The following NLGN4X variants were observed in gnomAD, a reference collection of about 807,000 sequenced individuals.
The protein encoded by NLGN4X is neuroligin-4, X-linked.
NLGN4X carries 3 observed loss-of-function variants against 40.3 expected under a neutral mutation model. The observed-to-expected ratio is 0.07, with a 90% CI of 0.03 to 0.19. The LOEUF is 0.19. NLGN4X is among the 10% of genes least tolerant of loss of function. The pLI is 1.00. For synonymous variants in NLGN4X, 270 were observed against 306.8 expected (o/e 0.88, Z 1.25); for missense variants, 382 against 708.3 (o/e 0.54, Z 5.23).
intron 3 of NLGN4X, among the ~76,000 whole-genome samples, chrX:6,017,685 T>G (rs184513843): frequency 7.1e-5 from 8 of 111,950 alleles, no homozygotes; most frequent in Middle Eastern, 4.6e-3. Flanking sequence ...TATTTTGAAT[T>G]TTGATATATT....
chrX:6,104,592 T>C (rs969166066), intron 2 of NLGN4X, among the ~76,000 whole-genome samples: 2 of 111,216 alleles, frequency 1.8e-5, no homozygotes, highest in African/African-American at 6.5e-5. Flanking sequence ...AACTTGGACC[T>C]AGGAACCTGA....
chrX:6,168,356 A>G (rs1031847473), intron 1 of NLGN4X, among the ~76,000 whole-genome samples: 1 of 112,615 alleles, frequency 8.9e-6, no homozygotes, highest in East Asian at 2.8e-4. Flanking sequence ...AACTTCAAAT[A>G]CTAAAGCGTC....
intron 3 of NLGN4X, among the ~76,000 whole-genome samples, chrX:6,027,090 CAGAAA>C (rs752421769): frequency 8.9e-6 from 1 of 112,279 alleles, no homozygotes; most frequent in South Asian, 3.7e-4. Flanking sequence ...CTGCTTCCCT[CAGAAA>C]AGCATGCCCA....
chrX:6,191,254 C>T (rs1248638324), intron 1 of NLGN4X, among the ~76,000 whole-genome samples: 1 of 111,226 alleles, frequency 9.0e-6, no homozygotes, highest in Non-Finnish European at 1.9e-5. Context: ...TCATGCAACA[C>T]AGGATGGGGT....
At chrX:5,964,258 C>T (rs2034752860) in intron 3 of NLGN4X, among the ~76,000 whole-genome samples, 1 of 111,727 alleles carries the variant, frequency 9.0e-6, no homozygotes, top group Non-Finnish European at 1.9e-5. Context: ...GCTAGTAGTA[C>T]ATTTGACTGA....
At chrX:5,925,917 T>TATATAC (rs2033292196) in intron 3 of NLGN4X, among the ~76,000 whole-genome samples, 1 of 59,165 alleles carries the variant, frequency 1.7e-5, no homozygotes, top group Non-Finnish European at 3.1e-5. Context: ...TATATATATA[T>TATATAC]ATATATATAT....
intron 3 of NLGN4X, among the ~76,000 whole-genome samples, chrX:6,016,937 ATAGT>A (rs938360376): frequency 8.9e-6 from 1 of 111,794 alleles, no homozygotes; most frequent in African/African-American, 3.3e-5. Context: ...AGACAGGTAG[ATAGT>A]TAGTGGAAGC....
chrX:6,063,535 G>A (rs1312500225), intron 2 of NLGN4X, among the ~76,000 whole-genome samples: 2 of 111,660 alleles, frequency 1.8e-5, no homozygotes, highest in African/African-American at 6.5e-5. Flanking sequence ...TCCACCTATA[G>A]AATATCAGTG....
intron 2 of NLGN4X, among the ~76,000 whole-genome samples, chrX:6,115,455 T>C (rs1008138484): frequency 9.0e-6 from 1 of 111,624 alleles, no homozygotes; most frequent in Non-Finnish European, 1.9e-5. Flanking sequence ...GGCAAAAATA[T>C]GCCCCTGTTC....
intron 3 of NLGN4X, among the ~76,000 whole-genome samples, chrX:5,915,760 G>A (rs767013843): frequency 8.9e-6 from 1 of 111,776 alleles, no homozygotes; most frequent in East Asian, 2.8e-4. Flanking sequence ...GGCTGGTCTC[G>A]AACTCCTGAG....
At chrX:6,129,802 TAA>T (rs66886928) in intron 2 of NLGN4X, among the ~76,000 whole-genome samples, 3 of 104,292 alleles carry the variant, frequency 2.9e-5, no homozygotes, top group Admixed American at 1.0e-4. Flanking sequence ...GTGAAATGTT[TAA>T]AAAAAAAAAC....
In NLGN4X at chrX:5,890,775, A is replaced by C; in HGVS notation, c.*2042T>G. 1 of 299,313 alleles carries C rather than the reference A, an allele frequency of 3.3e-6. No homozygotes were observed. Among genetic ancestry groups the C allele is most frequent in the Non-Finnish European group, 6.3e-6 (1 of 158,008 alleles). The allele number at this position is 299,313 out of a possible 1,213,427, so 24.7% of individuals were successfully genotyped here. A position where few individuals can be genotyped will look rare whatever the true frequency, so the allele number is the denominator to read the frequency against. Reference sequence around the variant, plus strand: ...TATTTATATACAGAGAATCACTCTCAAATTTAACCCAAGATAAGCAATAGG... The same window carrying C: ...TATTTATATACAGAGAATCACTCTCCAATTTAACCCAAGATAAGCAATAGG... On this transcript the variant is annotated 3_prime_UTR_variant, in exon 6 of 6. Coordinates refer to ENST00000381095, the MANE Select transcript of NLGN4X (RefSeq NM_181332.3).
Position 6,096,447 on chromosome X carries a change from C to G in NLGN4X, c.472+54548G>C, listed in dbSNP as rs1196921790. ...AAAATGTTAACCCTTAATGTGATAG[C>G]CTCAAGATTAACCTTTAGAATATGC... On this transcript the variant is annotated intron_variant, in intron 2 of 5. Coordinates refer to ENST00000381095, the MANE Select transcript of NLGN4X (RefSeq NM_181332.3). Among the ~76,000 whole-genome samples, 5 of 111,399 alleles carry G rather than the reference C, an allele frequency of 4.5e-5. No individual in the cohort carries two copies. The East Asian group carries it at 1.4e-3, about 32-fold the overall frequency.
chrX:6,106,225 G>C (rs1236156289), intron 2 of NLGN4X, among the ~76,000 whole-genome samples: 2 of 111,446 alleles, frequency 1.8e-5, no homozygotes, highest in African/African-American at 6.5e-5. Context: ...GTAAAGTTTT[G>C]AACTGTTTTT....
chrX:5,946,515 T>C (rs1161044459), intron 3 of NLGN4X, among the ~76,000 whole-genome samples: 1 of 110,963 alleles, frequency 9.0e-6, no homozygotes, highest in Non-Finnish European at 1.9e-5. Flanking sequence ...CTATAGTTTA[T>C]TTAAAAATCA....
At chrX:6,149,614 T>G (rs373589004) in intron 2 of NLGN4X, among the ~76,000 whole-genome samples, 55 of 111,702 alleles carry the variant, frequency 4.9e-4, no homozygotes, top group African/African-American at 1.8e-3. Context: ...AATGTCAGTT[T>G]AACTCCTTGA....
rs749674111 is a variant in NLGN4X at position 5,890,651 on chromosome X, A to G, written c.*2166T>C. The G allele has an allele frequency of 2.8e-5, 9 of 323,645 alleles. No homozygotes were observed. Among genetic ancestry groups the G allele is most frequent in the Non-Finnish European group, 4.7e-5 (8 of 168,597 alleles). 26.7% of individuals were successfully genotyped at this position (323,645 alleles called of 1,213,427 possible). A position where few individuals can be genotyped will look rare whatever the true frequency, so the allele number is the denominator to read the frequency against. ...GCAGAAATGGCCTGATCATAGCTCT[A>G]TGAAACAATGAATTCGGAATGAAAT... On this transcript the variant is annotated 3_prime_UTR_variant, in exon 6 of 6. Transcript: ENST00000381095.
Position 6,008,082 on chromosome X carries a change from T to A in NLGN4X, c.625+21198A>T, listed in dbSNP as rs1314160015. Among the ~76,000 whole-genome samples, 5 of 112,198 alleles carry A rather than the reference T, an allele frequency of 4.5e-5. No individual in the cohort carries two copies. The Admixed American group carries it at 4.7e-4, about 11-fold the overall frequency. On this transcript the variant is annotated intron_variant, in intron 3 of 5. Coordinates refer to ENST00000381095, the MANE Select transcript of NLGN4X (RefSeq NM_181332.3). ...AGGATATGACAACTTCAGACTTTAT[T>A]TTTCTTCTATTTAAGAGGAAATTCA...
chrX:6,165,754 A>C, intron 1 of NLGN4X, among the ~76,000 whole-genome samples: 1 of 111,516 alleles, frequency 9.0e-6, no homozygotes, highest in Middle Eastern at 4.7e-3. Flanking sequence ...TTTCCTCTAC[A>C]CAATTCTAAA....
Sources: gnomAD v4.1 joint callset for allele counts (sites outside exome capture counted in the v4.1 genomes callset) on GRCh38, gnomAD v4.1.1 for gene constraint, MANE v1.5 for transcripts, NCBI Gene and HGNC (gene_info 2026-07-23, HGNC 2026-07-21) for gene names.